The following SLC5A1 variants were observed in gnomAD, a reference collection of about 807,000 sequenced individuals.
The protein encoded by SLC5A1 is sodium/glucose cotransporter 1.
SLC5A1 carries 42 observed loss-of-function variants against 73.5 expected under a neutral mutation model. The observed-to-expected ratio is 0.57, with a 90% CI of 0.45 to 0.74. The LOEUF (loss-of-function observed/expected upper bound fraction) is 0.74, where lower values mean the gene tolerates loss of function less well. Ranked by LOEUF, SLC5A1 falls within the 30% of genes least tolerant of loss-of-function variation. The probability of loss-of-function intolerance (pLI) is 0.00; values close to 1 mark genes in which losing one functional copy is unlikely to be tolerated. For synonymous variants in SLC5A1, 300 were observed against 317.4 expected (o/e 0.95, Z 0.58); for missense variants, 634 against 855.4 (o/e 0.74, Z 3.23).
intron 3 of SLC5A1, 92 bp from the exon 4 acceptor site, chr22:32,067,875 T>C (rs1603115919): frequency 7.6e-7 from 1 of 1,319,650 alleles, no homozygotes; most frequent in South Asian, 1.2e-5. Context: ...ACATGCTGGG[T>C]AATTTTTCTG....
intron 11 of SLC5A1, among the ~76,000 whole-genome samples, chr22:32,093,194 T>C (rs528441773): frequency 6.6e-6 from 1 of 152,372 alleles, no homozygotes; most frequent in Non-Finnish European, 1.5e-5. Flanking sequence ...CATGCTGTTT[T>C]GGTGGCTCTG....
At chr22:32,047,966 G>T (rs538263355) in intron 1 of SLC5A1, among the ~76,000 whole-genome samples, 1 of 152,062 alleles carries the variant, frequency 6.6e-6, no homozygotes, top group East Asian at 1.9e-4. Context: ...TTCAAGATCA[G>T]CCTGGACAAC....
intron 2 of SLC5A1, among the ~76,000 whole-genome samples, chr22:32,057,212 A>G (rs181630953): frequency 1.3e-5 from 2 of 152,330 alleles, no homozygotes; most frequent in East Asian, 3.9e-4. Flanking sequence ...GATCCTTTTT[A>G]AAAATCCCCT....
intron 1 of SLC5A1, among the ~76,000 whole-genome samples, chr22:32,046,425 G>A (rs1702463746): frequency 6.8e-6 from 1 of 147,422 alleles, no homozygotes; most frequent in African/African-American, 2.5e-5. Flanking sequence ...AAATCACCTT[G>A]ACTAGTTGTC....
Position 32,066,985 on chromosome 22 carries a change from G to T in SLC5A1, c.258G>T (p.Gly86=). ...ASNIGSGHFV[G]LAGTGAASGI... The stretch of plus-strand genomic sequence containing the variant: ...ACATTGGAAGTGGCCACTTTGTGGG[G>T]CTGGCCGGGACTGGGGCAGCTTCAG... The change falls in exon 3 of 15, where the codon GGG becomes GGT. Residue 86 remains glycine (G), a synonymous_variant. Coordinates refer to ENST00000266088, the MANE Select transcript of SLC5A1 (RefSeq NM_000343.4). 6.2e-7 allele frequency: 1 copy of T among 1,613,846 alleles called. No homozygotes were observed. The highest frequency in any genetic ancestry group is 8.5e-7 in the Non-Finnish European group (1 of 1,179,780).
chr22:32,091,638 A>G lies in SLC5A1; in HGVS notation c.1156A>G (p.Met386Val), dbSNP rs200964696. The G allele has an allele frequency of 3.7e-6, 6 of 1,614,058 alleles. No individual in the cohort carries two copies. Among genetic ancestry groups the G allele is most frequent in the Non-Finnish European group, 5.1e-6 (6 of 1,180,016 alleles). The change falls in exon 11 of 15, where the codon ATG becomes GTG. Residue 386 changes from methionine (M) to valine (V), a missense_variant. Around this residue, in one of 3 missense-constraint regions of SLC5A1, gnomAD observed 422 missense variants for 626.1 expected, o/e 0.67. Coordinates refer to ENST00000266088, the MANE Select transcript of SLC5A1 (RefSeq NM_000343.4). ...NGLRGLMLSV[M>V]LASLMSSLTS... Reference sequence around the variant, plus strand: ...ACTGCGAGGCCTGATGCTATCAGTCATGCTGGCCTCCCTCATGAGCTCCCT... The same window carrying G: ...ACTGCGAGGCCTGATGCTATCAGTCGTGCTGGCCTCCCTCATGAGCTCCCT...
intron 5 of SLC5A1, among the ~76,000 whole-genome samples, chr22:32,077,297 CCTTT>C (rs1051855618): frequency 2.6e-4 from 39 of 149,932 alleles, no homozygotes; most frequent in African/African-American, 9.3e-4. Flanking sequence ...TGTTACCTTC[CCTTT>C]CTTTCCTTCC....
Position 32,066,935 on chromosome 22 carries a change from A to G in SLC5A1, c.208A>G (p.Ile70Val). 3 of 1,612,130 alleles carry G rather than the reference A, an allele frequency of 1.9e-6. No individual in the cohort carries two copies. The highest frequency in any genetic ancestry group is 2.5e-6 in the Non-Finnish European group (3 of 1,178,538). Residue 70 changes from isoleucine (I) to valine (V), a missense_variant and splice_region_variant, in exon 3 of 15, where the codon ATT (isoleucine) becomes GTT (valine). By Grantham distance (29) the Ile-to-Val change is conservative. Around this residue, in one of 3 missense-constraint regions of SLC5A1, gnomAD observed 422 missense variants for 626.1 expected, o/e 0.67. Transcript: ENST00000266088. Reference sequence around the variant, plus strand: ...ACCTGACTTTCTTTTGCGTTTCCAGATTGGAGCCTCCCTCTTTGCTAGTAA... The same window carrying G: ...ACCTGACTTTCTTTTGCGTTTCCAGGTTGGAGCCTCCCTCTTTGCTAGTAA... ...LAGRSMVWWP[I>V]GASLFASNIG...
chr22:32,070,872 A>C lies in SLC5A1; in HGVS notation c.477+2272A>C, dbSNP rs185097602. Among the ~76,000 whole-genome samples, 83 of 152,306 alleles carry C rather than the reference A, an allele frequency of 5.4e-4. 1 individual carries two copies. The East Asian group carries it at 0.015, about 28-fold the overall frequency. On this transcript the variant is annotated intron_variant, in intron 5 of 14. Transcript: ENST00000266088. ...CTGTCAGTCTGATAAAGGTTAAAGC[A>C]ATGGTATGAAAAGAAAAGAAAAGAA...
intron 1 of SLC5A1, among the ~76,000 whole-genome samples, chr22:32,047,136 T>A (rs768134870): frequency 1.3e-5 from 2 of 152,030 alleles, no homozygotes; most frequent in East Asian, 3.9e-4. Flanking sequence ...GAGGTTTCCA[T>A]GGGGGAGTGT....
chr22:32,099,099 AAAAAAAATATATAT>A (rs1569316133), intron 11 of SLC5A1, 70 bp from the exon 12 acceptor site: 31 of 160,188 alleles, frequency 1.9e-4, no homozygotes, highest in South Asian at 6.6e-4. Context: ...AAAAAAAAAA[AAAAAAAATATATAT>A]ATATATATAT....
intron 10 of SLC5A1, among the ~76,000 whole-genome samples, chr22:32,088,128 T>C (rs1431524606): frequency 1.3e-5 from 2 of 152,202 alleles, no homozygotes; most frequent in Non-Finnish European, 2.9e-5. Context: ...TCTAGAAAAG[T>C]TCTGGCATGG....
intron 14 of SLC5A1, among the ~76,000 whole-genome samples, chr22:32,107,449 C>T (rs2094048301): frequency 6.6e-6 from 1 of 152,184 alleles, no homozygotes; most frequent in Non-Finnish European, 1.5e-5. Flanking sequence ...ATTTAATCAT[C>T]ATCAATTCTC....
chr22:32,091,229 T>C (rs1202692196), intron 10 of SLC5A1, among the ~76,000 whole-genome samples: 1 of 152,068 alleles, frequency 6.6e-6, no homozygotes, highest in African/African-American at 2.4e-5. Context: ...AATCTCTTTC[T>C]GTTATATCAT....
At chr22:32,066,033 T>C (rs1384589320) in intron 2 of SLC5A1, among the ~76,000 whole-genome samples, 1 of 152,246 alleles carries the variant, frequency 6.6e-6, no homozygotes, top group Non-Finnish European at 1.5e-5. Flanking sequence ...TAGAACTTTC[T>C]GGAGTTCTTT....
intron 5 of SLC5A1, among the ~76,000 whole-genome samples, chr22:32,074,056 C>T (rs1330825958): frequency 6.6e-6 from 1 of 152,046 alleles, no homozygotes; most frequent in East Asian, 1.9e-4. Context: ...GGTCACACTG[C>T]AATGAGCAGG....
At chr22:32,058,349 C>T (rs1025886706) in intron 2 of SLC5A1, among the ~76,000 whole-genome samples, 2 of 152,194 alleles carry the variant, frequency 1.3e-5, no homozygotes, top group African/African-American at 4.8e-5. Flanking sequence ...TAGCGAGATC[C>T]CATCTCTACA....
At chr22:32,054,443 G>T (rs1244260420) in intron 2 of SLC5A1, among the ~76,000 whole-genome samples, 1 of 152,142 alleles carries the variant, frequency 6.6e-6, no homozygotes, top group East Asian at 1.9e-4. Context: ...AGGTTCAGTG[G>T]GAGGGAGAAG....
At chr22:32,058,456 T>A (rs559412265) in intron 2 of SLC5A1, among the ~76,000 whole-genome samples, 1 of 152,354 alleles carries the variant, frequency 6.6e-6, no homozygotes, top group East Asian at 1.9e-4. Flanking sequence ...ATTCCTCTGT[T>A]GTAAATGACA....
Sources: gnomAD v4.1 joint callset for allele counts (sites outside exome capture counted in the v4.1 genomes callset) on GRCh38, gnomAD v4.1.1 for gene constraint, gnomAD v4.1.1 regional missense constraint, MANE v1.5 for transcripts, NCBI Gene and HGNC (gene_info 2026-07-23, HGNC 2026-07-21) for gene names.